EPN2: variants seen among roughly 807,000 people sequenced by gnomAD.
EPN2 encodes the protein epsin-2.
EPN2 carries 34 observed loss-of-function variants against 61.7 expected under a neutral mutation model. The ratio of observed to expected loss-of-function variants is 0.55; its 90% CI spans 0.42 to 0.73. The LOEUF is 0.73. EPN2 is among the 30% of genes least tolerant of loss of function. EPN2 has a pLI of 0.00. For synonymous variants in EPN2, 349 were observed against 353.6 expected, an observed-to-expected ratio of 0.99 and a Z score of 0.15; for missense variants, 714 against 839.2, an observed-to-expected ratio of 0.85 and a Z score of 1.84.
At chr17:19,318,552 A>AAAAAAAAAAAAAAG in intron 7 of EPN2, among the ~76,000 whole-genome samples, 1 of 143,886 alleles carries the variant, frequency 6.9e-6, no homozygotes, top group African/African-American at 2.5e-5. Flanking sequence ...TCCATCTCAA[A>AAAAAAAAAAAAAAG]AAAAAAAAAA....
At chr17:19,327,773 C>G (rs1260062152) in intron 7 of EPN2, among the ~76,000 whole-genome samples, 1 of 151,930 alleles carries the variant, frequency 6.6e-6, no homozygotes, top group African/African-American at 2.4e-5. Context: ...TAAAGGTATC[C>G]CTACAAGATA....
At chr17:19,296,163 T>C (rs1040235392) in intron 4 of EPN2, among the ~76,000 whole-genome samples, 1 of 151,874 alleles carries the variant, frequency 6.6e-6, no homozygotes, top group Non-Finnish European at 1.5e-5. Flanking sequence ...TTTTTTTTTT[T>C]AAACTGGGAC....
rs1907062748 is a variant in EPN2 at position 19,329,602 on chromosome 17, G to A, written c.1366G>A (p.Asp456Asn). 1 of 1,613,542 alleles carries A rather than the reference G, an allele frequency of 6.2e-7. No homozygotes were observed. The highest frequency in any genetic ancestry group is 1.7e-5 in the Admixed American group (1 of 59,994). ...CAGTAATCTGAATGGTACAATTAAA[G>A]ATGACTTTTCTGAATTTGACAACCT... Reference protein sequence around the residue: ...LFSNLNGTIKDDFSEFDNLRT... With the variant: ...LFSNLNGTIKNDFSEFDNLRT... Residue 456 changes from aspartate to asparagine, a missense_variant, in exon 9 of 11, where the codon GAT (aspartate) becomes AAT (asparagine). Around this residue, in one of 2 missense-constraint regions of EPN2, gnomAD observed 410 missense variants for 421.8 expected, o/e 0.97. Coordinates refer to ENST00000314728, the MANE Select transcript of EPN2 (RefSeq NM_014964.5).
At chr17:19,263,123 C>T (rs986912454) in intron 1 of EPN2, among the ~76,000 whole-genome samples, 2 of 152,208 alleles carry the variant, frequency 1.3e-5, no homozygotes, top group African/African-American at 4.8e-5. Flanking sequence ...CACCCACTGT[C>T]ACCACCGCAG....
chr17:19,255,498 G>A (rs2045066070), intron 1 of EPN2, among the ~76,000 whole-genome samples: 1 of 138,690 alleles, frequency 7.2e-6, no homozygotes, highest in Non-Finnish European at 1.6e-5. Context: ...GTGTTCTCTG[G>A]ATTTCTTTAA....
At position 19,281,052 on chromosome 17, in the gene EPN2, G is replaced by A. The variant is rs528246191; in HGVS notation, c.-293-903G>A. On this transcript the variant is annotated intron_variant, in intron 1 of 10. Coordinates refer to ENST00000314728, the MANE Select transcript of EPN2 (RefSeq NM_014964.5). ...GCATAGGCCAGGTGTGGGAGAAGGA[G>A]TGCAGAGCTTCCATGCCATACCTCA... Among the ~76,000 whole-genome samples, 9 of 152,348 alleles carry A rather than the reference G, an allele frequency of 5.9e-5. No homozygotes were observed. The South Asian group carries it at 1.9e-3, about 32-fold the overall frequency.
chr17:19,264,735 G>T (rs1263326760), intron 1 of EPN2, among the ~76,000 whole-genome samples: 1 of 152,180 alleles, frequency 6.6e-6, no homozygotes, highest in East Asian at 1.9e-4. Context: ...AGGGGGGAGT[G>T]TGTGAGCAGG....
At chr17:19,326,397 G>A (rs929169192) in intron 7 of EPN2, among the ~76,000 whole-genome samples, 1 of 152,082 alleles carries the variant, frequency 6.6e-6, no homozygotes, top group Admixed American at 6.5e-5. Context: ...AATTAAGAAG[G>A]TGCAAGTGGC....
At chr17:19,292,823 A>G (rs904773069) in intron 4 of EPN2, among the ~76,000 whole-genome samples, 1 of 152,222 alleles carries the variant, frequency 6.6e-6, no homozygotes, top group African/African-American at 2.4e-5. Flanking sequence ...GTTGTCTAGA[A>G]GGTAGGCAGG....
chr17:19,257,523 C>CT lies in EPN2; in HGVS notation c.-294+20006dup, dbSNP rs34201206. Among the ~76,000 whole-genome samples, 363 of 73,378 alleles carry CT rather than the reference C, an allele frequency of 4.9e-3. 2 individuals carry two copies. The highest frequency in any genetic ancestry group is 0.026 in the South Asian group (28 of 1,074). 48.1% of individuals were successfully genotyped at this position (73,378 alleles called of 152,430 possible). The stretch of plus-strand genomic sequence containing the variant: ...TGATTTATTTTCTCTCTCTCTCTCT[C>CT]TTTTTTTTTTTTTTGACACGGGGTC... On this transcript the variant is annotated intron_variant, in intron 1 of 10. Coordinates refer to ENST00000314728, the MANE Select transcript of EPN2 (RefSeq NM_014964.5).
chr17:19,294,109 C>T (rs1363377686), intron 4 of EPN2, among the ~76,000 whole-genome samples: 1 of 151,138 alleles, frequency 6.6e-6, no homozygotes, highest in East Asian at 1.9e-4. Flanking sequence ...AAAAAAGAAA[C>T]AGTGCTATCA....
rs565333509 is a variant in EPN2, at chr17:19,242,436, C to G, written c.-294+4905C>G. Among the ~76,000 whole-genome samples, 9 of 152,244 alleles carry G rather than the reference C, an allele frequency of 5.9e-5. No homozygotes were observed. The East Asian group carries it at 1.7e-3, about 29-fold the overall frequency. On this transcript the variant is annotated intron_variant, in intron 1 of 10. Coordinates refer to ENST00000314728, the MANE Select transcript of EPN2 (RefSeq NM_014964.5). ...AGACTCTTGTCTCAAAAAACAAAAA[C>G]AAAAAACCTGTCTTCTTTTGAACCA...
chr17:19,335,499 A>AGATC lies in EPN2; in HGVS notation c.*1245_*1246insGATC, dbSNP rs1371488604. Reference sequence around the variant, plus strand: ...TGTGTCTGTGATCTCCTCTGTCTTAATCCACGCTCAGGCTAAAGATGGGGA... The same window carrying AGATC: ...TGTGTCTGTGATCTCCTCTGTCTTAAGATCTCCACGCTCAGGCTAAAGATGGGGA... On this transcript the variant is annotated 3_prime_UTR_variant, in exon 11 of 11. Coordinates refer to ENST00000314728, the MANE Select transcript of EPN2 (RefSeq NM_014964.5). 2 of 1,542,382 alleles carry AGATC rather than the reference A, an allele frequency of 1.3e-6. No homozygotes were observed. Among genetic ancestry groups the AGATC allele is most frequent in the East Asian group, 4.9e-5 (2 of 40,810 alleles).
At chr17:19,326,196 A>G (rs1014124290) in intron 7 of EPN2, among the ~76,000 whole-genome samples, 2 of 152,190 alleles carry the variant, frequency 1.3e-5, no homozygotes, top group Admixed American at 6.5e-5. Context: ...CCCCAAATTG[A>G]TCTTGGATGC....
chr17:19,290,062 A>G (rs1397389755), intron 4 of EPN2, among the ~76,000 whole-genome samples: 2 of 152,076 alleles, frequency 1.3e-5, no homozygotes, highest in African/African-American at 4.8e-5. Flanking sequence ...AATTTCAGAC[A>G]CACCAGCTGC....
chr17:19,239,088 G>T (rs539429767), intron 1 of EPN2, among the ~76,000 whole-genome samples: 1 of 152,350 alleles, frequency 6.6e-6, no homozygotes, highest in East Asian at 1.9e-4. Context: ...AATGGTACTT[G>T]TTCGGTGCTT....
intron 1 of EPN2, among the ~76,000 whole-genome samples, chr17:19,270,781 C>T (rs1457787042): frequency 3.3e-5 from 5 of 152,182 alleles, no homozygotes; most frequent in African/African-American, 7.2e-5. Flanking sequence ...CTGCTGGTGT[C>T]GCTCCTGAGT....
In EPN2 at chr17:19,283,486, G is replaced by C. The variant is rs776575965; in HGVS notation, c.367G>C (p.Val123Leu). Residue 123 changes from valine (V) to leucine (L), a missense_variant, in exon 3 of 11, where the codon GTG (valine) becomes CTG (leucine). By Grantham distance (32) the Val-to-Leu change is conservative. Transcript: ENST00000314728. The surrounding 1 kb of genome is among the most constrained non-coding windows in gnomAD (Gnocchi z 7.0). ...AGATGGCAAGGACCAGGGCATCAAT[G>C]TGCGTGAGAAGTCAAAGCAACTGGT... is the stretch of plus-strand genomic sequence containing the variant. Reference protein sequence around the residue: ...DRDGKDQGINVREKSKQLVAL... With the variant: ...DRDGKDQGINLREKSKQLVAL... The C allele has an allele frequency of 6.2e-7, 1 of 1,614,248 alleles. No homozygotes were observed. The highest frequency in any genetic ancestry group is 1.1e-5 in the South Asian group (1 of 91,086).
chr17:19,243,650 C>T (rs1213622076), intron 1 of EPN2, among the ~76,000 whole-genome samples: 1 of 152,110 alleles, frequency 6.6e-6, no homozygotes, highest in Non-Finnish European at 1.5e-5. Flanking sequence ...GCCTCGGCCT[C>T]CCAAACTGCT....
Sources: allele counts gnomAD v4.1 joint callset (sites outside exome capture counted in the v4.1 genomes callset), GRCh38; gene constraint gnomAD v4.1.1; regional missense constraint gnomAD v4.1.1; non-coding constraint Gnocchi (gnomAD v3.1); transcripts MANE v1.5; gene names NCBI Gene and HGNC (gene_info 2026-07-23, HGNC 2026-07-21).